Variants in RAP1GAP2 observed in about 807,000 individuals in gnomAD.
RAP1GAP2 encodes the protein RAP1 GTPase activating protein 2.
RAP1GAP2 carries 27 observed loss-of-function variants against 95.0 expected under a neutral mutation model. The ratio of observed to expected loss-of-function variants is 0.28; its 90% confidence interval spans 0.21 to 0.39. The LOEUF is 0.39. Among genes scored for constraint, RAP1GAP2 ranks in the 10% least tolerant of loss-of-function variants. The probability of loss-of-function intolerance (pLI) is 1.00; values close to 1 mark genes in which losing one functional copy is unlikely to be tolerated. For missense variants in RAP1GAP2, 771 were observed against 970.0 expected, an observed-to-expected ratio of 0.79 and a Z score of 2.72; for synonymous variants, 373 against 380.9, an observed-to-expected ratio of 0.98 and a Z score of 0.24.
chr17:2,993,579 A>AG (rs1255005997), intron 12 of RAP1GAP2, among the ~76,000 whole-genome samples: 1 of 148,668 alleles, frequency 6.7e-6, no homozygotes, highest in Non-Finnish European at 1.5e-5. Context: ...TCTAAAAAAA[A>AG]AAAAATAAAT....
intron 2 of RAP1GAP2, among the ~76,000 whole-genome samples, chr17:2,843,317 G>A (rs868728982): frequency 1.1e-4 from 16 of 149,312 alleles, no homozygotes; most frequent in Middle Eastern, 3.4e-3. Flanking sequence ...ATGGTGTCTC[G>A]CTCTGTCGCC....
intron 23 of RAP1GAP2, among the ~76,000 whole-genome samples, chr17:3,031,896 T>A (rs2047320068): frequency 7.8e-6 from 1 of 128,470 alleles, no homozygotes; most frequent in African/African-American, 3.1e-5. Context: ...GGTTCCTGGG[T>A]CCCGAATCCC....
At chr17:2,811,511 G>T (rs1597354756) in intron 2 of RAP1GAP2, among the ~76,000 whole-genome samples, 1 of 152,306 alleles carries the variant, frequency 6.6e-6, no homozygotes, top group East Asian at 1.9e-4. Flanking sequence ...AAGAATGCTG[G>T]CCTGTCTTAG....
At chr17:2,916,276 G>T (rs1206498725) in intron 3 of RAP1GAP2, among the ~76,000 whole-genome samples, 1 of 152,116 alleles carries the variant, frequency 6.6e-6, no homozygotes, top group African/African-American at 2.4e-5. Flanking sequence ...CATCCGTGCC[G>T]TCAGTCCACC....
chr17:2,946,140 A>G (rs1191680317), intron 3 of RAP1GAP2, among the ~76,000 whole-genome samples: 2 of 152,134 alleles, frequency 1.3e-5, no homozygotes, highest in Admixed American at 6.6e-5. Flanking sequence ...CCTAGGATAA[A>G]TTCCACTTGG....
At chr17:2,959,450 A>G (rs1467693476) in intron 4 of RAP1GAP2, among the ~76,000 whole-genome samples, 1 of 152,058 alleles carries the variant, frequency 6.6e-6, no homozygotes, top group Non-Finnish European at 1.5e-5. Flanking sequence ...TTAAGTCCCT[A>G]CCATGTGCCC....
chr17:2,825,424 C>T lies in RAP1GAP2; in HGVS notation c.80+24874C>T, dbSNP rs1253765402. On this transcript the variant is annotated intron_variant, in intron 2 of 24. Transcript: ENST00000254695. The surrounding 1 kb of genome is among the most constrained non-coding windows in gnomAD (Gnocchi z 4.1). ...GTTCACGCTTTGACTGAGCTGTTGA[C>T]AGCACCGAGGCCAGAGGCAGGAGAA... Among the ~76,000 whole-genome samples the T allele has an allele frequency of 3.9e-5, 6 of 152,132 alleles. No homozygotes were observed. The highest frequency in any genetic ancestry group is 8.8e-5 in the Non-Finnish European group (6 of 68,020).
intron 2 of RAP1GAP2, among the ~76,000 whole-genome samples, chr17:2,890,010 C>T (rs1456201140): frequency 6.6e-6 from 1 of 150,750 alleles, no homozygotes; most frequent in African/African-American, 2.4e-5. Context: ...AGGTGTGAGC[C>T]CCCGCACTGG....
chr17:2,864,124 G>A (rs537315121), intron 2 of RAP1GAP2, among the ~76,000 whole-genome samples: 1 of 151,728 alleles, frequency 6.6e-6, no homozygotes, highest in Admixed American at 6.6e-5. Context: ...GTAGCAGCAT[G>A]CCATCCTGAC....
chr17:2,930,859 C>T (rs1353155901), intron 3 of RAP1GAP2, among the ~76,000 whole-genome samples: 3 of 152,224 alleles, frequency 2.0e-5, no homozygotes, highest in Non-Finnish European at 2.9e-5. Context: ...CGTGGTGGCT[C>T]ACGCCTGTAA....
At chr17:2,982,351 G>T (rs2317466) in intron 10 of RAP1GAP2, among the ~76,000 whole-genome samples, 1 of 151,998 alleles carries the variant, frequency 6.6e-6, no homozygotes, top group African/African-American at 2.4e-5. Flanking sequence ...TGTTGGCCAG[G>T]CTGGTCTCGA....
chr17:2,755,717 C>T, exon 1 of RAP1GAP2: 2 of 332,248 alleles, frequency 6.0e-6, no homozygotes, highest in Non-Finnish European at 1.1e-5. Flanking sequence ...CCGGGCGAGG[C>T]ATGGCGGGCC....
At chr17:2,850,545 G>A (rs1236940676) in intron 2 of RAP1GAP2, among the ~76,000 whole-genome samples, 1 of 149,844 alleles carries the variant, frequency 6.7e-6, no homozygotes, top group Non-Finnish European at 1.5e-5. Flanking sequence ...TCAGGAGATC[G>A]AGACCATCCT....
chr17:2,984,566 G>A (rs1021335521), intron 10 of RAP1GAP2, among the ~76,000 whole-genome samples: 1 of 152,298 alleles, frequency 6.6e-6, no homozygotes, highest in East Asian at 1.9e-4. Flanking sequence ...GTCAGGAGCG[G>A]TGACTTGCTC....
Position 3,008,243 on chromosome 17 carries a change from G to T in RAP1GAP2, c.1494+98G>T. ...ATGGGATACTGATCCCAGAGCCCAA[G>T]GGCCAGCTGGAGGGGTGACAGGAAA... On this transcript the variant is annotated intron_variant, in intron 17 of 24. Transcript: ENST00000254695. The surrounding 1 kb of genome is among the most constrained non-coding windows in gnomAD (Gnocchi z 4.2). The T allele has an allele frequency of 6.5e-7, 1 of 1,537,066 alleles. No individual in the cohort carries two copies. Among genetic ancestry groups the T allele is most frequent in the Non-Finnish European group, 8.8e-7 (1 of 1,131,642 alleles).
At chr17:2,969,181 A>ATTTATCTATC (rs146508761) in intron 8 of RAP1GAP2, among the ~76,000 whole-genome samples, 1 of 147,006 alleles carries the variant, frequency 6.8e-6, no homozygotes, top group Non-Finnish European at 1.5e-5. Flanking sequence ...CTATCTATCT[A>ATTTATCTATC]TATATATATA....
At chr17:3,028,093 C>T (rs117152218) in intron 22 of RAP1GAP2, among the ~76,000 whole-genome samples, 8,348 of 151,584 alleles carry the variant, frequency 0.055, 317 homozygotes, top group Non-Finnish European at 0.079. Flanking sequence ...TGTCATTGGG[C>T]GAGTCACCAA....
At chr17:2,922,675 T>C (rs1387669439) in intron 3 of RAP1GAP2, among the ~76,000 whole-genome samples, 1 of 152,124 alleles carries the variant, frequency 6.6e-6, no homozygotes, top group East Asian at 1.9e-4. Context: ...CCCCGGGACC[T>C]GGTACATATG....
At chr17:2,862,735 C>G (rs921959203) in intron 2 of RAP1GAP2, among the ~76,000 whole-genome samples, 2 of 152,106 alleles carry the variant, frequency 1.3e-5, no homozygotes, top group African/African-American at 4.8e-5. Flanking sequence ...CAGTGGCTCA[C>G]GCCTGTAATT....
Sources: allele counts gnomAD v4.1 joint callset (sites outside exome capture counted in the v4.1 genomes callset), GRCh38; gene constraint gnomAD v4.1.1; non-coding constraint Gnocchi (gnomAD v3.1); transcripts MANE v1.5; gene names NCBI Gene and HGNC (gene_info 2026-07-23, HGNC 2026-07-21).